The following ROBO1 variants were observed in gnomAD, a reference collection of about 807,000 sequenced individuals.
The protein encoded by ROBO1 is roundabout homolog 1.
ROBO1 carries 149 observed loss-of-function variants against 195.9 expected under a neutral mutation model. That is an observed-to-expected ratio of 0.76 (90% confidence interval 0.67 to 0.87). ROBO1 has a LOEUF of 0.87. ROBO1 is among the 40% of genes least tolerant of loss of function. The pLI is 0.00. For synonymous variants in ROBO1, 816 were observed against 733.2 expected, an observed-to-expected ratio of 1.11 and a Z score of -1.82; for missense variants, 1,933 against 2,068.3, an observed-to-expected ratio of 0.93 and a Z score of 1.27.
chr3:79,697,653 G>T (rs995803043), intron 1 of ROBO1, among the ~76,000 whole-genome samples: 10 of 151,244 alleles, frequency 6.6e-5, no homozygotes, highest in Non-Finnish European at 1.3e-4. Context: ...ATGATGAGGT[G>T]ATATATTAAT....
At chr3:79,582,524 A>G (rs1345444725) in intron 2 of ROBO1, among the ~76,000 whole-genome samples, 1 of 152,070 alleles carries the variant, frequency 6.6e-6, no homozygotes, top group Non-Finnish European at 1.5e-5. Flanking sequence ...GGTCTCCTCC[A>G]AATTTACAAG....
At chr3:78,723,754 A>G (rs193025654) in intron 5 of ROBO1, among the ~76,000 whole-genome samples, 8 of 152,234 alleles carry the variant, frequency 5.3e-5, no homozygotes, top group South Asian at 4.1e-4. Context: ...CAAACTGTCT[A>G]TAACGCAGGG....
intron 2 of ROBO1, among the ~76,000 whole-genome samples, chr3:79,368,176 G>A (rs372676392): frequency 3.2e-4 from 49 of 152,124 alleles, no homozygotes; most frequent in African/African-American, 1.1e-3. Context: ...CAAATGATCC[G>A]CTCACCTCGG....
At chr3:79,633,959 T>C (rs959936183) in intron 1 of ROBO1, among the ~76,000 whole-genome samples, 4 of 151,912 alleles carry the variant, frequency 2.6e-5, no homozygotes, top group African/African-American at 9.7e-5. Context: ...GGAACTGATA[T>C]AGAGAAAAAA....
intron 1 of ROBO1, among the ~76,000 whole-genome samples, chr3:79,606,093 T>A (rs142737058): frequency 1.5e-4 from 23 of 151,670 alleles, no homozygotes; most frequent in African/African-American, 5.3e-4. Flanking sequence ...AATACCTTTG[T>A]TTTTATGTCA....
intron 3 of ROBO1, among the ~76,000 whole-genome samples, chr3:79,106,922 G>T (rs1472663257): frequency 6.6e-6 from 1 of 151,578 alleles, no homozygotes; most frequent in African/African-American, 2.4e-5. Context: ...CTTATGTATA[G>T]AATCTATCTC....
chr3:79,468,206 T>C (rs1380928451), intron 2 of ROBO1, among the ~76,000 whole-genome samples: 1 of 152,244 alleles, frequency 6.6e-6, no homozygotes, highest in Non-Finnish European at 1.5e-5. Flanking sequence ...TTTCATTCAT[T>C]GTCATAGCCC....
intron 2 of ROBO1, among the ~76,000 whole-genome samples, chr3:79,432,265 A>T (rs1384164552): frequency 6.6e-6 from 1 of 152,080 alleles, no homozygotes; most frequent in African/African-American, 2.4e-5. Context: ...GTAATGAGTT[A>T]TATTTCTTGC....
chr3:79,554,715 T>C (rs867133567), intron 2 of ROBO1, among the ~76,000 whole-genome samples: 5 of 152,170 alleles, frequency 3.3e-5, no homozygotes, highest in South Asian at 4.1e-4. Flanking sequence ...GGAAAGACTT[T>C]AGGAAGATAT....
chr3:78,629,665 C>T (rs1051421316), intron 25 of ROBO1, among the ~76,000 whole-genome samples: 19 of 151,478 alleles, frequency 1.3e-4, no homozygotes, highest in Admixed American at 3.3e-4. Context: ...ACCAACCAAA[C>T]CAAACCAAAC....
chr3:79,256,651 T>G (rs909201123), intron 2 of ROBO1, among the ~76,000 whole-genome samples: 2 of 152,192 alleles, frequency 1.3e-5, no homozygotes, highest in Admixed American at 6.5e-5. Context: ...TTTGATGAAC[T>G]CATAAGACTT....
At chr3:79,565,308 G>A (rs758881033) in intron 2 of ROBO1, among the ~76,000 whole-genome samples, 36 of 151,090 alleles carry the variant, frequency 2.4e-4, no homozygotes, top group Admixed American at 9.3e-4. Flanking sequence ...TGTGACCTTG[G>A]CAAGGGACAC....
chr3:79,401,285 G>T (rs1035197279), intron 2 of ROBO1, among the ~76,000 whole-genome samples: 3 of 151,752 alleles, frequency 2.0e-5, no homozygotes, highest in Admixed American at 6.6e-5. Context: ...GATCTAAGAC[G>T]TGTGGCTAAT....
In ROBO1 at chr3:79,001,035, A is replaced by T. The variant is rs1043903603; in HGVS notation, c.173-62108T>A. Among the ~76,000 whole-genome samples the T allele has an allele frequency of 3.3e-5, 5 of 151,614 alleles. No individual in the cohort carries two copies. The South Asian group carries it at 1.0e-3, about 32-fold the overall frequency. ...CTAACACAGGAACAGAAAACCAAAC[A>T]CCGCATGTTCTCACTCATAAGTGGG... On this transcript the variant is annotated intron_variant, in intron 3 of 30. Transcript: ENST00000464233.
At chr3:79,143,752 T>A (rs982521933) in intron 2 of ROBO1, among the ~76,000 whole-genome samples, 9 of 152,024 alleles carry the variant, frequency 5.9e-5, no homozygotes, top group Non-Finnish European at 1.0e-4. Context: ...TATAGTACAG[T>A]ATCGCAAACA....
chr3:79,166,939 T>C (rs1483326075), intron 2 of ROBO1, among the ~76,000 whole-genome samples: 1 of 152,140 alleles, frequency 6.6e-6, no homozygotes, highest in Non-Finnish European at 1.5e-5. Context: ...CAAAGACATC[T>C]TCTTAGGCTT....
At chr3:79,297,478 T>C (rs996026435) in intron 2 of ROBO1, among the ~76,000 whole-genome samples, 1 of 152,182 alleles carries the variant, frequency 6.6e-6, no homozygotes, top group Non-Finnish European at 1.5e-5. Context: ...GTAAGTATCA[T>C]GGTATGTAAC....
chr3:79,562,549 G>A (rs1368473826), intron 2 of ROBO1, among the ~76,000 whole-genome samples: 1 of 151,944 alleles, frequency 6.6e-6, no homozygotes, highest in Non-Finnish European at 1.5e-5. Flanking sequence ...CAAGATTTAG[G>A]TTGAAATGTG....
intron 25 of ROBO1, among the ~76,000 whole-genome samples, chr3:78,629,460 G>A (rs1705038689): frequency 6.6e-6 from 1 of 152,150 alleles, no homozygotes; most frequent in Non-Finnish European, 1.5e-5. Context: ...GGGAGGCTGA[G>A]GCGGGACGAT....
Sources: allele counts gnomAD v4.1 joint callset (sites outside exome capture counted in the v4.1 genomes callset), GRCh38; gene constraint gnomAD v4.1.1; transcripts MANE v1.5; gene names NCBI Gene and HGNC (gene_info 2026-07-23, HGNC 2026-07-21).